The following COL18A1 variants were observed in gnomAD, a reference collection of about 807,000 sequenced individuals.
COL18A1 encodes collagen type XVIII alpha 1 chain, also known as collagen alpha-1(XVIII) chain.
In COL18A1, 133 loss-of-function variants were observed where a neutral mutation model predicts 168.0. The observed-to-expected ratio is 0.79, with a 90% confidence interval of 0.69 to 0.91. COL18A1 has a LOEUF of 0.91. COL18A1 is among the 40% of genes least tolerant of loss of function. The pLI, the probability that COL18A1 is intolerant of heterozygous loss-of-function variation, is 0.00. For synonymous variants in COL18A1, 949 were observed against 809.0 expected (o/e 1.17, Z -2.94); for missense variants, 2,126 against 1,925.4 (o/e 1.10, Z -1.95).
chr21:45,456,945 G>A, intron 2 of COL18A1: 1 of 1,287,454 alleles, frequency 7.8e-7, no homozygotes, highest in Non-Finnish European at 1.0e-6. Flanking sequence ...GTGTGGGCGG[G>A]GCTGACGTGA....
At chr21:45,452,685 G>A (rs996650787) in intron 2 of COL18A1, among the ~76,000 whole-genome samples, 1 of 147,606 alleles carries the variant, frequency 6.8e-6, no homozygotes, top group African/African-American at 2.6e-5. Flanking sequence ...ACATGTGTGA[G>A]CATGTATGTG....
intron 2 of COL18A1, among the ~76,000 whole-genome samples, chr21:45,413,894 CAG>C (rs2033369821): frequency 6.6e-6 from 1 of 152,206 alleles, no homozygotes; most frequent in Non-Finnish European, 1.5e-5. Flanking sequence ...GGCGGACCCT[CAG>C]GGGCAGGAGC....
chr21:45,456,882 G>A, intron 2 of COL18A1: 1 of 1,437,096 alleles, frequency 7.0e-7, no homozygotes, highest in Non-Finnish European at 9.1e-7. Flanking sequence ...CCGGCTGCAG[G>A]TAACTGGCCG....
At chr21:45,497,789 G>A (rs559317802) in intron 32 of COL18A1, 128 bp downstream of exon 32, 24 of 1,318,626 alleles carry the variant, frequency 1.8e-5, no homozygotes, top group Middle Eastern at 1.8e-4. Context: ...CTCACCCTGC[G>A]GGAGGAAGGA....
intron 30 of COL18A1, among the ~76,000 whole-genome samples, chr21:45,496,805 C>T (rs978096303): frequency 2.3e-4 from 35 of 152,214 alleles, no homozygotes; most frequent in African/African-American, 8.0e-4. Flanking sequence ...GGCCTGAGCC[C>T]AGGGTTGCTA....
At chr21:45,495,294 C>T in intron 28 of COL18A1, 64 bp from the exon 29 acceptor site, 1 of 1,398,898 alleles carries the variant, frequency 7.1e-7, no homozygotes, top group Non-Finnish European at 9.9e-7. Flanking sequence ...GGCAGGCACC[C>T]TGCGGGAAGG....
At chr21:45,475,713 A>C (rs1253726453) in intron 5 of COL18A1, among the ~76,000 whole-genome samples, 178 bp downstream of exon 5, 2 of 152,050 alleles carry the variant, frequency 1.3e-5, no homozygotes, top group Admixed American at 1.3e-4. Flanking sequence ...GAGCCTGGGC[A>C]CAGGCCCCGC....
intron 2 of COL18A1, chr21:45,424,603 G>T (rs1257529972): frequency 6.6e-6 from 1 of 152,212 alleles, no homozygotes; most frequent in East Asian, 1.9e-4. Context: ...TCGGCCAGTG[G>T]TGCCTCCAAT....
chr21:45,498,536 C>G lies in COL18A1; in HGVS notation c.2683+875C>G. 2 of 716,854 alleles carry G rather than the reference C, an allele frequency of 2.8e-6. No individual in the cohort carries two copies. The highest frequency in any genetic ancestry group is 5.2e-6 in the Non-Finnish European group (2 of 385,058). 44.4% of individuals were successfully genotyped at this position (716,854 alleles called of 1,614,324 possible). ...TGCAGAGGAGGCCGCCATACCTGCT[C>G]TTGCTGGGGCTGCACTCTGGGGTGG... On this transcript the variant is annotated intron_variant, in intron 32 of 41. Transcript: ENST00000651438. The surrounding 1 kb of genome is among the most constrained non-coding windows in gnomAD (Gnocchi z 4.5).
intron 32 of COL18A1, among the ~76,000 whole-genome samples, chr21:45,500,389 AGT>A (rs138993921): frequency 2.8e-3 from 131 of 46,454 alleles, no homozygotes; most frequent in Non-Finnish European, 3.8e-3. Context: ...GGGTGTGTGG[AGT>A]GTGTGTATGT....
Position 45,413,811 on chromosome 21 carries a change from G to C in COL18A1, c.106+8338G>C, listed in dbSNP as rs1227250668. ...TGCAGAGGCTAGAGGCAGGGTAGAG[G>C]ATGGAGAGGGTTTAAAAGGCAGGTT... On this transcript the variant is annotated intron_variant, in intron 2 of 41. Coordinates refer to ENST00000651438, the MANE Select transcript of COL18A1 (RefSeq NM_001379500.1). 2.6e-5 allele frequency among the ~76,000 whole-genome samples: 4 copies of C among 152,210 alleles called. 1 individual carries two copies. The highest frequency in any genetic ancestry group is 2.6e-4 in the Admixed American group (4 of 15,286).
chr21:45,446,431 G>T (rs2034507346), intron 2 of COL18A1, among the ~76,000 whole-genome samples: 1 of 152,164 alleles, frequency 6.6e-6, no homozygotes, highest in African/African-American at 2.4e-5. Flanking sequence ...TCCTAGAAAG[G>T]TGCAAACTAC....
chr21:45,440,377 G>A (rs891057214), intron 2 of COL18A1, among the ~76,000 whole-genome samples: 6 of 152,242 alleles, frequency 3.9e-5, no homozygotes, highest in Non-Finnish European at 7.3e-5. Flanking sequence ...GGCCTGCCAG[G>A]GGTCCACTGG....
intron 36 of COL18A1, 55 bp downstream of exon 36, chr21:45,505,486 G>A (rs1370063170): frequency 2.2e-6 from 2 of 907,786 alleles, no homozygotes; most frequent in East Asian, 2.6e-5. Context: ...GGCTGGTTCT[G>A]CAGCCCCTGC....
intron 2 of COL18A1, chr21:45,420,067 C>G (rs1018469433): frequency 6.6e-6 from 1 of 152,282 alleles, no homozygotes; most frequent in Non-Finnish European, 1.5e-5. Context: ...GCCACGGGAG[C>G]CGTGGGTGAG....
At chr21:45,418,773 T>TCA (rs2033530901) in intron 2 of COL18A1, among the ~76,000 whole-genome samples, 1 of 47,226 alleles carries the variant, frequency 2.1e-5, no homozygotes, top group Non-Finnish European at 4.4e-5. Context: ...TCCAAGGCTG[T>TCA]CTCTGCTTTA....
At chr21:45,421,813 G>A (rs934213113) in intron 2 of COL18A1, among the ~76,000 whole-genome samples, 1 of 152,124 alleles carries the variant, frequency 6.6e-6, no homozygotes, top group African/African-American at 2.4e-5. Context: ...CTGAGGCTCA[G>A]GGCCCTGTGA....
At chr21:45,494,736 C>T (rs1568926844) in intron 27 of COL18A1, 126 bp from the exon 28 acceptor site, 1 of 1,280,402 alleles carries the variant, frequency 7.8e-7, no homozygotes, top group Non-Finnish European at 1.1e-6. Context: ...GCAGTGGGCT[C>T]CTCCGAGCTG....
In COL18A1 at chr21:45,496,528, G is replaced by C; in HGVS notation, c.2537G>C (p.Gly846Ala). ...ATGCCCGGCCCCCCAGGACCTCCAG[G>C]GCCCCCAGGCCCTCCAGGGACTCCT... The part of the protein sequence containing the change: ...RGMPGPPGPP[G>A]PPGPPGTPVY... Residue 846 changes from glycine to alanine, a missense_variant, in exon 30 of 42, where the codon GGG (glycine) becomes GCG (alanine). Transcript: ENST00000651438. 1 of 1,530,840 alleles carries C rather than the reference G, an allele frequency of 6.5e-7. No homozygotes were observed. The highest frequency in any genetic ancestry group is 9.0e-7 in the Non-Finnish European group (1 of 1,104,992). 94.8% of individuals were successfully genotyped at this position (1,530,840 alleles called of 1,614,324 possible).
Sources: gnomAD v4.1 joint callset for allele counts (sites outside exome capture counted in the v4.1 genomes callset) on GRCh38, gnomAD v4.1.1 for gene constraint, Gnocchi (gnomAD v3.1) non-coding constraint, MANE v1.5 for transcripts, NCBI Gene and HGNC (gene_info 2026-07-23, HGNC 2026-07-21) for gene names.